Variants in SPAG16 observed in about 807,000 individuals in gnomAD.
SPAG16 encodes sperm associated antigen 16, also known as sperm-associated antigen 16 protein.
In SPAG16, 86 loss-of-function variants were observed where a neutral mutation model predicts 80.4. That is an observed-to-expected ratio of 1.07 (90% CI 0.90 to 1.28). The LOEUF is 1.28. Among genes scored for constraint, SPAG16 ranks in the 50% most tolerant of loss-of-function variants. The pLI is 0.00. For synonymous variants in SPAG16, 294 were observed against 265.9 expected, an observed-to-expected ratio of 1.11 and a Z score of -1.03; for missense variants, 870 against 765.3, an observed-to-expected ratio of 1.14 and a Z score of -1.61.
At chr2:214,106,899 A>G (rs1270443282) in intron 13 of SPAG16, among the ~76,000 whole-genome samples, 2 of 152,040 alleles carry the variant, frequency 1.3e-5, no homozygotes, top group Non-Finnish European at 1.5e-5. Flanking sequence ...CCTACCTGGA[A>G]CACTTTTCCT....
intron 10 of SPAG16, among the ~76,000 whole-genome samples, chr2:213,638,311 C>A (rs1162960940): frequency 1.3e-5 from 2 of 151,978 alleles, no homozygotes; most frequent in Non-Finnish European, 2.9e-5. Context: ...TCTTGTTTCT[C>A]TAATTCTTTG....
intron 9 of SPAG16, among the ~76,000 whole-genome samples, chr2:213,454,141 T>C (rs1156433692): frequency 1.3e-5 from 2 of 152,180 alleles, no homozygotes; most frequent in Non-Finnish European, 2.9e-5. Flanking sequence ...TCCAGCGAAA[T>C]TGAGATCATG....
At position 213,944,854 on chromosome 2, in the gene SPAG16, C is replaced by T. The variant is rs187271956; in HGVS notation, c.1400+14709C>T. ...CTTTATAAAAAGAGACATGAGATGGCGAAACCCCGTGTCTACTAAAAATAC... is the reference window on the plus strand; with the variant it reads ...CTTTATAAAAAGAGACATGAGATGGTGAAACCCCGTGTCTACTAAAAATAC... On this transcript the variant is annotated intron_variant, in intron 12 of 15. Transcript: ENST00000331683. Among the ~76,000 whole-genome samples the T allele has an allele frequency of 9.4e-3, 1,428 of 151,962 alleles. 10 individuals carry two copies. Among genetic ancestry groups the T allele is most frequent in the Middle Eastern group, 0.02 (6 of 294 alleles).
At chr2:213,322,586 G>A (rs111524317) in intron 5 of SPAG16, among the ~76,000 whole-genome samples, 23 of 152,122 alleles carry the variant, frequency 1.5e-4, no homozygotes, top group African/African-American at 5.5e-4. Context: ...TTCTACCTTA[G>A]TGACAGGCTT....
intron 9 of SPAG16, among the ~76,000 whole-genome samples, chr2:213,381,784 C>T (rs1232936242): frequency 6.6e-6 from 1 of 152,176 alleles, no homozygotes; most frequent in Non-Finnish European, 1.5e-5. Context: ...GAATTTCCAA[C>T]CTTATTCTTT....
At chr2:213,992,783 T>TGG (rs1229828546) in intron 12 of SPAG16, among the ~76,000 whole-genome samples, 13 of 152,190 alleles carry the variant, frequency 8.5e-5, no homozygotes, top group African/African-American at 3.1e-4. Flanking sequence ...ATTTCTATCA[T>TGG]GTGTAAATTG....
intron 10 of SPAG16, among the ~76,000 whole-genome samples, chr2:213,686,556 GA>G (rs2064682807): frequency 6.6e-6 from 1 of 151,704 alleles, no homozygotes; most frequent in Non-Finnish European, 1.5e-5. Context: ...GTTCCCTGCA[GA>G]CAGCAAATAA....
chr2:213,826,461 G>T (rs1173587456), intron 10 of SPAG16, among the ~76,000 whole-genome samples: 1 of 151,622 alleles, frequency 6.6e-6, no homozygotes, highest in African/African-American at 2.4e-5. Context: ...TTTGTTTCAA[G>T]AAATTTTTCA....
At chr2:213,450,594 G>T (rs1171013291) in intron 9 of SPAG16, among the ~76,000 whole-genome samples, 1 of 152,054 alleles carries the variant, frequency 6.6e-6, no homozygotes, top group Non-Finnish European at 1.5e-5. Context: ...AATTGAATGT[G>T]CATTATTTTG....
chr2:213,578,315 A>G (rs1319505352), intron 10 of SPAG16, among the ~76,000 whole-genome samples: 2 of 152,166 alleles, frequency 1.3e-5, no homozygotes, highest in Non-Finnish European at 2.9e-5. Flanking sequence ...TGAAAAGCAA[A>G]CAACAATAAG....
intron 4 of SPAG16, among the ~76,000 whole-genome samples, chr2:213,315,689 GA>G (rs2063372809): frequency 3.7e-5 from 1 of 27,278 alleles, no homozygotes; most frequent in South Asian, 2.8e-3. Context: ...TGACTCTATT[GA>G]AAACTTTTTT....
rs71409874 is a variant in SPAG16, at chr2:214,108,479, A to ACACACACC, written c.1593+219_1593+220insACACACCC. Among the ~76,000 whole-genome samples, 408 of 52,354 alleles carry ACACACACC rather than the reference A, an allele frequency of 7.8e-3. 4 individuals are homozygous for ACACACACC. The highest frequency in any genetic ancestry group is 0.03 in the Admixed American group (196 of 6,566). The allele number at this position is 52,354 out of a possible 152,430, so 34.3% of individuals were successfully genotyped here. A position where few individuals can be genotyped will look rare whatever the true frequency, so the allele number is the denominator to read the frequency against. On this transcript the variant is annotated intron_variant, in intron 14 of 15. Coordinates refer to ENST00000331683, the MANE Select transcript of SPAG16 (RefSeq NM_024532.5). Reference sequence around the variant, plus strand: ...CACACACACACACACACACACACACACCCCCACACACACCCCAAGTCGTAG... The same window carrying ACACACACC: ...CACACACACACACACACACACACACACACACACCCCCCCACACACACCCCAAGTCGTAG...
chr2:213,764,435 G>C (rs2068825171), intron 10 of SPAG16, among the ~76,000 whole-genome samples: 1 of 151,838 alleles, frequency 6.6e-6, no homozygotes. Flanking sequence ...AACTACAAAA[G>C]ACAATAAATA....
chr2:213,372,823 G>A (rs1207155025), intron 8 of SPAG16, among the ~76,000 whole-genome samples: 1 of 152,060 alleles, frequency 6.6e-6, no homozygotes, highest in Non-Finnish European at 1.5e-5. Flanking sequence ...TTAGGGAGTG[G>A]CACAAAGTAA....
At chr2:213,530,937 A>G (rs935775300) in intron 10 of SPAG16, among the ~76,000 whole-genome samples, 2 of 152,120 alleles carry the variant, frequency 1.3e-5, no homozygotes, top group African/African-American at 4.8e-5. Context: ...TTGCTTAAAT[A>G]AGAAAATATT....
chr2:213,508,918 TAA>T (rs545958429), intron 10 of SPAG16, among the ~76,000 whole-genome samples: 9 of 144,382 alleles, frequency 6.2e-5, no homozygotes, highest in African/African-American at 2.0e-4. Context: ...AAAGTATAAT[TAA>T]AAAAAAAAAA....
At chr2:213,914,634 C>T (rs894214822) in intron 11 of SPAG16, among the ~76,000 whole-genome samples, 1 of 152,064 alleles carries the variant, frequency 6.6e-6, no homozygotes, top group Non-Finnish European at 1.5e-5. Context: ...TGTTGCCATT[C>T]AGTTCTATTT....
intron 15 of SPAG16, among the ~76,000 whole-genome samples, chr2:214,278,415 G>A (rs1319216108): frequency 6.6e-6 from 1 of 152,122 alleles, no homozygotes; most frequent in African/African-American, 2.4e-5. Context: ...GCTGGGAGCT[G>A]CAGACCATAG....
rs554449073 is a variant in SPAG16, at chr2:213,838,425, G to A, written c.1071-24060G>A. Among the ~76,000 whole-genome samples, 25 of 152,154 alleles carry A rather than the reference G, an allele frequency of 1.6e-4. 2 individuals are homozygous for A. Among genetic ancestry groups the A allele is most frequent in the African/African-American group, 5.8e-4 (24 of 41,512 alleles). ...TGACCTCAGGTAATCCATCCGCCTC[G>A]GCCTTCCAAAGTGCTGGGATTACAG... is the stretch of plus-strand genomic sequence containing the variant. On this transcript the variant is annotated intron_variant, in intron 10 of 15. Coordinates refer to ENST00000331683, the MANE Select transcript of SPAG16 (RefSeq NM_024532.5).
Sources: allele counts gnomAD v4.1 joint callset (sites outside exome capture counted in the v4.1 genomes callset), GRCh38; gene constraint gnomAD v4.1.1; transcripts MANE v1.5; gene names NCBI Gene and HGNC (gene_info 2026-07-23, HGNC 2026-07-21).